MEGF8: variants seen among roughly 807,000 people sequenced by gnomAD.
MEGF8 encodes the protein multiple EGF like domains 8, also known as multiple epidermal growth factor-like domains protein 8.
In MEGF8, 156 loss-of-function variants were observed where a neutral mutation model predicts 302.9. That is an observed-to-expected ratio of 0.52 (90% CI 0.45 to 0.59). The LOEUF is 0.59. Ranked by LOEUF, MEGF8 falls within the 20% of genes least tolerant of loss-of-function variation. MEGF8 has a pLI of 0.00. For synonymous variants in MEGF8, 1,621 were observed against 1,660.5 expected (o/e 0.98, Z 0.58); for missense variants, 3,345 against 3,964.5 (o/e 0.84, Z 4.20).
chr19:42,335,007 C>G (rs372141476), intron 3 of MEGF8, 28 bp from the exon 4 acceptor site: 5 of 1,586,554 alleles, frequency 3.2e-6, no homozygotes, highest in Non-Finnish European at 3.4e-6. Flanking sequence ...CCTCTCTTAT[C>G]TCTGCCTTTA....
In MEGF8 at chr19:42,375,255, C is replaced by A. The variant is rs2039749189; in HGVS notation, c.7270-252C>A. Among the ~76,000 whole-genome samples the A allele has an allele frequency of 6.6e-6, 1 of 152,168 alleles. No individual in the cohort carries two copies. Among genetic ancestry groups the A allele is most frequent in the Admixed American group, 6.5e-5 (1 of 15,288 alleles). ...CTGCTGTGCCTCAGAGTGCCAGAGG[C>A]CTCAGTATCAGGGTGCTCAGGTCAC... On this transcript the variant is annotated intron_variant, in intron 41 of 41. Transcript: ENST00000251268. The surrounding 1 kb of genome is among the most constrained non-coding windows in gnomAD (Gnocchi z 7.1).
At chr19:42,333,160 G>T (rs1258769899) in intron 1 of MEGF8, among the ~76,000 whole-genome samples, 1 of 152,198 alleles carries the variant, frequency 6.6e-6, no homozygotes, top group East Asian at 1.9e-4. Flanking sequence ...TGGGCCAGGG[G>T]TGGTGTCACG....
At position 42,342,367 on chromosome 19, in the gene MEGF8, G is replaced by A. The variant is rs530582257; in HGVS notation, c.1514-1110G>A. Among the ~76,000 whole-genome samples the A allele has an allele frequency of 5.3e-5, 8 of 152,294 alleles. No individual in the cohort carries two copies. The South Asian group carries it at 1.4e-3, about 28-fold the overall frequency. On this transcript the variant is annotated intron_variant, in intron 8 of 41. Coordinates refer to ENST00000251268, the MANE Select transcript of MEGF8 (RefSeq NM_001271938.2). ...AAAAGGAGAATTTCTGGCTGGGCAC[G>A]GTGGCTCATGCCTGTAATCCCAGCA...
rs1408100730 is a variant in MEGF8, at chr19:42,355,814, T to A, written c.4201T>A (p.Ser1401Thr). Residue 1401 changes from serine (S) to threonine (T), a missense_variant, in exon 24 of 42, where the codon TCG (serine) becomes ACG (threonine). Ser to Thr is a moderately conservative substitution (Grantham distance 58). Coordinates refer to ENST00000251268, the MANE Select transcript of MEGF8 (RefSeq NM_001271938.2). The part of the protein sequence containing the change: ...NGSSSWGFNA[S>T]VGSARCGSGG... ...CTCCTCATCCTGGGGCTTCAATGCT[T>A]CGGTGGGCTCTGCCCGCTGTGGGTC... is the stretch of plus-strand genomic sequence containing the variant. The A allele has an allele frequency of 1.9e-6, 3 of 1,575,998 alleles. No individual in the cohort carries two copies. Among genetic ancestry groups the A allele is most frequent in the Admixed American group, 1.8e-5 (1 of 54,204 alleles).
At chr19:42,348,737 T>C (rs1304856702) in intron 13 of MEGF8, among the ~76,000 whole-genome samples, 2 of 152,156 alleles carry the variant, frequency 1.3e-5, no homozygotes, top group Non-Finnish European at 2.9e-5. Context: ...GTAGCTGGGA[T>C]TACAGATGTG....
chr19:42,331,742 G>C (rs2039057485), intron 1 of MEGF8, among the ~76,000 whole-genome samples: 2 of 149,798 alleles, frequency 1.3e-5, no homozygotes, highest in South Asian at 4.2e-4. Context: ...CTAATTTTTT[G>C]TATTTTTAGT....
chr19:42,358,356 G>A lies in MEGF8; in HGVS notation c.5175+49G>A. 1 of 1,532,016 alleles carries A rather than the reference G, an allele frequency of 6.5e-7. No individual in the cohort carries two copies. The highest frequency in any genetic ancestry group is 8.7e-7 in the Non-Finnish European group (1 of 1,144,986). The allele number at this position is 1,532,016 out of a possible 1,614,324, so 94.9% of individuals were successfully genotyped here. ...AAGGATGTATGGGGCAGGAGGGAGG[G>A]GTCCTCTTTCCCAGTGCCCCAGGGA... On this transcript the variant is annotated intron_variant, in intron 29 of 41. Transcript: ENST00000251268. The surrounding 1 kb of genome is among the most constrained non-coding windows in gnomAD (Gnocchi z 4.4).
At chr19:42,349,780 A>T in intron 14 of MEGF8, 81 bp downstream of exon 14, 2 of 1,421,032 alleles carry the variant, frequency 1.4e-6, no homozygotes, top group Non-Finnish European at 1.9e-6. Flanking sequence ...CCCAGGCCAC[A>T]AACTCTGAAA....
At chr19:42,328,655 G>GCCAGGTGC (rs2039016991) in intron 1 of MEGF8, among the ~76,000 whole-genome samples, 1 of 151,618 alleles carries the variant, frequency 6.6e-6, no homozygotes, top group Non-Finnish European at 1.5e-5. Flanking sequence ...GACTGGTTAG[G>GCCAGGTGC]CCAGGTGCGG....
In MEGF8 at chr19:42,354,617, C is replaced by T. The variant is rs148895205; in HGVS notation, c.4041C>T (p.Phe1347=). Residue 1347 remains phenylalanine, a synonymous_variant, in exon 23 of 42, where the codon TTC becomes TTT. Coordinates refer to ENST00000251268, the MANE Select transcript of MEGF8 (RefSeq NM_001271938.2). This position sits in a 1 kb window ranked among gnomAD's most constrained non-coding sequence, Gnocchi z 4.3. ...GCTACGTCCTGGCGTTTGATGGATT[C>T]CCACGCTTCCTGGACACTGGTGTTG... ...TLSYVLAFDG[F]PRFLDTGVVQ... is the part of the protein sequence containing the mutation. The T allele has an allele frequency of 5.0e-5, 80 of 1,613,028 alleles. No homozygotes were observed. The African/African-American group carries it at 9.9e-4, about 20-fold the overall frequency.
intron 41 of MEGF8, among the ~76,000 whole-genome samples, chr19:42,374,283 C>T (rs866439236): frequency 6.6e-6 from 1 of 151,972 alleles, no homozygotes; most frequent in Non-Finnish European, 1.5e-5. Context: ...CCAGCCTGGC[C>T]AACATGGTGA....
At position 42,326,315 on chromosome 19, in the gene MEGF8, G is replaced by A; in HGVS notation, c.72G>A (p.Gly24=). ...ALAVLGSLSP[G]ARAGDCKGQR... ...CCGTGCTGGGGTCGCTGTCCCCTGGGGCCCGGGCGGGGGACTGCAAGGGGC... is the reference window on the plus strand; with the variant it reads ...CCGTGCTGGGGTCGCTGTCCCCTGGAGCCCGGGCGGGGGACTGCAAGGGGC... Residue 24 remains glycine (G), a synonymous_variant, in exon 1 of 42, where the codon GGG becomes GGA. Coordinates refer to ENST00000251268, the MANE Select transcript of MEGF8 (RefSeq NM_001271938.2). 4 of 1,564,510 alleles carry A rather than the reference G, an allele frequency of 2.6e-6. No individual in the cohort carries two copies. Among genetic ancestry groups the A allele is most frequent in the Non-Finnish European group, 3.4e-6 (4 of 1,162,196 alleles).
At chr19:42,335,730 C>G (rs1319032021) in intron 5 of MEGF8, among the ~76,000 whole-genome samples, 2 of 152,050 alleles carry the variant, frequency 1.3e-5, no homozygotes, top group South Asian at 4.1e-4. Flanking sequence ...GTCTCCTTGC[C>G]TTTTCTCTCT....
At position 42,357,553 on chromosome 19, in the gene MEGF8, G is replaced by T. The variant is rs1448177300; in HGVS notation, c.4980G>T (p.Val1660=). The T allele has an allele frequency of 1.2e-6, 2 of 1,612,146 alleles. No homozygotes were observed. Among genetic ancestry groups the T allele is most frequent in the African/African-American group, 1.3e-5 (1 of 74,998 alleles). ...LEYQLATGTW[V]SGAQSGTPPT... is the part of the protein sequence containing the mutation. ...ACCAGCTGGCAACCGGCACCTGGGT[G>T]TCAGGAGCCCAGAGTGGGACACCCC... Residue 1660 remains valine (V), a synonymous_variant, in exon 28 of 42, where the codon GTG becomes GTT. Transcript: ENST00000251268. The surrounding 1 kb of genome is among the most constrained non-coding windows in gnomAD (Gnocchi z 5.2).
Position 42,356,167 on chromosome 19 carries a change from A to C in MEGF8, c.4477A>C (p.Thr1493Pro). Residue 1493 changes from threonine (T) to proline (P), a missense_variant, in exon 25 of 42, where the codon ACC (threonine) becomes CCC (proline). By Grantham distance (38) the Thr-to-Pro change is conservative (BLOSUM62 -1). Transcript: ENST00000251268. This position sits in a 1 kb window ranked among gnomAD's most constrained non-coding sequence, Gnocchi z 5.2. ...KLDGGQLVWE[T>P]LMDSRLSADT... ...GGATGGCGGGCAGCTGGTCTGGGAGACCCTCATGGACAGCCGCCTCTCAGC... is the reference window on the plus strand; with the variant it reads ...GGATGGCGGGCAGCTGGTCTGGGAGCCCCTCATGGACAGCCGCCTCTCAGC... 1 of 1,546,942 alleles carries C rather than the reference A, an allele frequency of 6.5e-7. No individual in the cohort carries two copies. Among genetic ancestry groups the C allele is most frequent in the Non-Finnish European group, 8.7e-7 (1 of 1,144,328 alleles).
chr19:42,345,859 A>G (rs1006201064), intron 12 of MEGF8, among the ~76,000 whole-genome samples: 3 of 152,202 alleles, frequency 2.0e-5, no homozygotes, highest in African/African-American at 7.2e-5. Context: ...CATCTTATTG[A>G]GGAATGTCCA....
chr19:42,361,145 C>T lies in MEGF8; in HGVS notation c.5720+139C>T, dbSNP rs897563119. 40 of 884,802 alleles carry T rather than the reference C, an allele frequency of 4.5e-5. No homozygotes were observed. In the Middle Eastern group the frequency reaches 8.2e-4, roughly 18 times the overall value. 54.8% of individuals were successfully genotyped at this position (884,802 alleles called of 1,614,324 possible). A position where few individuals can be genotyped will look rare whatever the true frequency, so the allele number is the denominator to read the frequency against. On this transcript the variant is annotated intron_variant, in intron 32 of 41. Transcript: ENST00000251268. Reference sequence around the variant, plus strand: ...GGTGAATCACCGCAGGCAGGGTGGCCGGGGGAGCTCTGAGTGGGGATCCCT... The same window carrying T: ...GGTGAATCACCGCAGGCAGGGTGGCTGGGGGAGCTCTGAGTGGGGATCCCT...
chr19:42,335,865 C>T, intron 5 of MEGF8, 66 bp from the exon 6 acceptor site: 1 of 1,385,212 alleles, frequency 7.2e-7, no homozygotes, highest in Non-Finnish European at 9.5e-7. Context: ...CTGCATCTCT[C>T]TGTCTAAGCC....
intron 32 of MEGF8, 102 bp downstream of exon 32, chr19:42,361,108 G>A: frequency 8.0e-7 from 1 of 1,250,590 alleles, no homozygotes; most frequent in Non-Finnish European, 1.1e-6. Flanking sequence ...ATACCGTCTG[G>A]TTCAGGAAAG....
Sources: gnomAD v4.1 joint callset for allele counts (sites outside exome capture counted in the v4.1 genomes callset) on GRCh38, gnomAD v4.1.1 for gene constraint, Gnocchi (gnomAD v3.1) non-coding constraint, MANE v1.5 for transcripts, NCBI Gene and HGNC (gene_info 2026-07-23, HGNC 2026-07-21) for gene names.